ELAPOR2: variants seen among roughly 807,000 people sequenced by gnomAD.
ELAPOR2 encodes endosome-lysosome associated apoptosis and autophagy regulator family member 2.
ELAPOR2 carries 89 observed loss-of-function variants against 120.7 expected under a neutral mutation model. The observed-to-expected ratio is 0.74, with a 90% CI of 0.62 to 0.88. The LOEUF (loss-of-function observed/expected upper bound fraction) is 0.88, where lower values mean the gene tolerates loss of function less well. Ranked by LOEUF, ELAPOR2 falls within the 40% of genes least tolerant of loss-of-function variation. The pLI is 0.00. For missense variants in ELAPOR2, 1,134 were observed against 1,251.6 expected (o/e 0.91, Z 1.42); for synonymous variants, 444 against 444.9 (o/e 1.00, Z 0.03).
intron 2 of ELAPOR2, among the ~76,000 whole-genome samples, chr7:86,948,517 G>A (rs1791100611): frequency 6.6e-6 from 1 of 152,084 alleles, no homozygotes; most frequent in South Asian, 2.1e-4. Context: ...GATCCAATGA[G>A]TGACAACTAA....
intron 1 of ELAPOR2, among the ~76,000 whole-genome samples, chr7:86,989,586 T>G (rs1475036684): frequency 2.0e-5 from 3 of 152,192 alleles, no homozygotes; most frequent in African/African-American, 7.2e-5. Flanking sequence ...AATGAAACTT[T>G]CGAGCCAGAT....
At chr7:87,040,877 A>G (rs1562981559) in intron 1 of ELAPOR2, among the ~76,000 whole-genome samples, 1 of 152,080 alleles carries the variant, frequency 6.6e-6, no homozygotes, top group Non-Finnish European at 1.5e-5. Flanking sequence ...AAAATTTAGA[A>G]GAATGTATAA....
intron 1 of ELAPOR2, among the ~76,000 whole-genome samples, chr7:86,995,750 G>C (rs892804391): frequency 1.3e-5 from 2 of 152,134 alleles, no homozygotes; most frequent in Non-Finnish European, 2.9e-5. Context: ...AAGGATAGGA[G>C]AGGAGTCATT....
intron 1 of ELAPOR2, among the ~76,000 whole-genome samples, chr7:86,971,514 A>G (rs1161214508): frequency 6.6e-6 from 1 of 152,230 alleles, no homozygotes; most frequent in Non-Finnish European, 1.5e-5. Flanking sequence ...CATTTAAAGT[A>G]TATCTTATTG....
intron 1 of ELAPOR2, among the ~76,000 whole-genome samples, chr7:87,024,195 T>A (rs1390038906): frequency 6.6e-6 from 1 of 152,206 alleles, no homozygotes; most frequent in Non-Finnish European, 1.5e-5. Context: ...ATATTGGCTG[T>A]GAGTTTGTCG....
chr7:87,039,793 T>C (rs567896053), intron 1 of ELAPOR2, among the ~76,000 whole-genome samples: 44 of 151,872 alleles, frequency 2.9e-4, no homozygotes, highest in Non-Finnish European at 4.7e-4. Flanking sequence ...GGAACAGCTC[T>C]GGTCTACAGC....
intron 1 of ELAPOR2, among the ~76,000 whole-genome samples, chr7:87,024,234 T>C (rs1794165546): frequency 6.6e-6 from 1 of 152,180 alleles, no homozygotes; most frequent in African/African-American, 2.4e-5. Context: ...TTGAGATACG[T>C]CCCATCAATA....
intron 21 of ELAPOR2, among the ~76,000 whole-genome samples, chr7:86,889,719 C>T (rs1788043803): frequency 6.6e-6 from 1 of 151,914 alleles, no homozygotes; most frequent in South Asian, 2.1e-4. Context: ...AAAAGTAAGA[C>T]CATGAAAAGT....
intron 1 of ELAPOR2, among the ~76,000 whole-genome samples, chr7:86,999,179 C>G (rs1793228289): frequency 6.6e-6 from 1 of 151,982 alleles, no homozygotes; most frequent in Admixed American, 6.6e-5. Context: ...AAGATAAATC[C>G]CCGTGCTTTC....
At chr7:87,040,023 A>T (rs983534095) in intron 1 of ELAPOR2, among the ~76,000 whole-genome samples, 1 of 152,210 alleles carries the variant, frequency 6.6e-6, no homozygotes, top group Non-Finnish European at 1.5e-5. Context: ...GGCACCTGGA[A>T]AATCGGGTCA....
intron 1 of ELAPOR2, among the ~76,000 whole-genome samples, chr7:86,976,432 G>A (rs540624128): frequency 2.6e-5 from 4 of 152,304 alleles, no homozygotes; most frequent in African/African-American, 7.2e-5. Flanking sequence ...CCTTCAAACT[G>A]TGCAAATATG....
intron 1 of ELAPOR2, among the ~76,000 whole-genome samples, chr7:87,001,558 G>A (rs890651262): frequency 4.6e-5 from 7 of 152,116 alleles, no homozygotes; most frequent in Admixed American, 1.3e-4. Context: ...GCCAGGGTGA[G>A]GTGGAGCAAA....
In ELAPOR2 at chr7:86,958,751, T is replaced by C. The variant is rs898842804; in HGVS notation, c.310+6153A>G. On this transcript the variant is annotated intron_variant, in intron 2 of 21. Transcript: ENST00000450689. ...CTCAGAGAGCCTCAGAGAATTAACA[T>C]ACATGGCTCAGAAAGTGTGATGCTT... 1.1e-4 allele frequency among the ~76,000 whole-genome samples: 16 copies of C among 152,374 alleles called. No homozygotes were observed. The Middle Eastern group carries it at 0.01, about 97-fold the overall frequency.
At chr7:87,036,501 T>TA (rs1794592032) in intron 1 of ELAPOR2, among the ~76,000 whole-genome samples, 1 of 152,090 alleles carries the variant, frequency 6.6e-6, no homozygotes, top group African/African-American at 2.4e-5. Context: ...TTTGCTGAAC[T>TA]ATTCACAATA....
chr7:86,895,292 G>A (rs1287624714), intron 19 of ELAPOR2, among the ~76,000 whole-genome samples: 1 of 152,022 alleles, frequency 6.6e-6, no homozygotes, highest in African/African-American at 2.4e-5. Flanking sequence ...TTTATTCAGT[G>A]ATCGAGGTGG....
At chr7:86,924,407 A>ACACACAC (rs1562925116) in intron 10 of ELAPOR2, among the ~76,000 whole-genome samples, 4 of 151,272 alleles carry the variant, frequency 2.6e-5, no homozygotes, top group Non-Finnish European at 2.9e-5. Context: ...ACACACACAC[A>ACACACAC]AATGTATTAG....
intron 2 of ELAPOR2, among the ~76,000 whole-genome samples, chr7:86,961,666 T>G (rs1453526813): frequency 6.6e-6 from 1 of 152,212 alleles, no homozygotes; most frequent in Non-Finnish European, 1.5e-5. Flanking sequence ...CCATTGTTCT[T>G]CAAGAATAAA....
rs144551611 is a variant in ELAPOR2 at position 86,958,365 on chromosome 7, A to T, written c.310+6539T>A. Among the ~76,000 whole-genome samples the T allele has an allele frequency of 3.3e-5, 5 of 152,368 alleles. No homozygotes were observed. In the East Asian group the frequency reaches 9.6e-4, roughly 29 times the overall value. On this transcript the variant is annotated intron_variant, in intron 2 of 21. Transcript: ENST00000450689. The stretch of plus-strand genomic sequence containing the variant: ...TTACAATTATACCTGGCATATAGCA[A>T]GTAAAGATTGGCTATTATTTTTTAT...
At chr7:86,993,078 A>C (rs1792998708) in intron 1 of ELAPOR2, among the ~76,000 whole-genome samples, 1 of 151,926 alleles carries the variant, frequency 6.6e-6, no homozygotes, top group Non-Finnish European at 1.5e-5. Context: ...TCTACTAAAA[A>C]TACAAAAATT....
Sources: allele counts gnomAD v4.1 joint callset (sites outside exome capture counted in the v4.1 genomes callset), GRCh38; gene constraint gnomAD v4.1.1; transcripts MANE v1.5; gene names NCBI Gene and HGNC (gene_info 2026-07-23, HGNC 2026-07-21).